CTPS2: variants seen among roughly 807,000 people sequenced by gnomAD.
CTPS2 encodes the protein CTP synthase 2.
A neutral mutation model predicts 46.8 loss-of-function variants in CTPS2; 19 were observed. That is an observed-to-expected ratio of 0.41 (90% confidence interval 0.28 to 0.60). The LOEUF (loss-of-function observed/expected upper bound fraction) is 0.60. CTPS2 is among the 20% of genes least tolerant of loss of function. CTPS2 has a pLI of 0.35. For missense variants in CTPS2, 286 were observed against 447.6 expected, an observed-to-expected ratio of 0.64 and a Z score of 3.26; for synonymous variants, 151 against 165.2, an observed-to-expected ratio of 0.91 and a Z score of 0.66.
intron 7 of CTPS2, among the ~76,000 whole-genome samples, chrX:16,690,284 T>C (rs1420106490): frequency 9.2e-6 from 1 of 109,104 alleles, no homozygotes; most frequent in Non-Finnish European, 1.9e-5. Flanking sequence ...GGCAGGAGAA[T>C]CGCTTGAACC....
intron 13 of CTPS2, among the ~76,000 whole-genome samples, chrX:16,662,271 G>A: frequency 9.0e-6 from 1 of 111,212 alleles, no homozygotes; most frequent in East Asian, 2.8e-4. Flanking sequence ...CAAAGTCCCA[G>A]AGCCTTCAAT....
At chrX:16,693,836 C>A (rs1238651213) in intron 4 of CTPS2, among the ~76,000 whole-genome samples, 1 of 110,416 alleles carries the variant, frequency 9.1e-6, no homozygotes. Context: ...AAGATTTCTC[C>A]ACGTGTATAC....
chrX:16,650,424 A>T (rs940175589), intron 13 of CTPS2, among the ~76,000 whole-genome samples: 14 of 110,762 alleles, frequency 1.3e-4, no homozygotes, highest in African/African-American at 4.6e-4. Flanking sequence ...GAATGTCATT[A>T]ATTACTAATA....
intron 1 of CTPS2, 73 bp from the exon 2 acceptor site, chrX:16,703,014 C>A: frequency 1.6e-6 from 1 of 623,841 alleles, no homozygotes; most frequent in Non-Finnish European, 2.3e-6. Context: ...TGTATTCAAC[C>A]AGAATTAATT....
intron 17 of CTPS2, among the ~76,000 whole-genome samples, chrX:16,593,157 C>T (rs1009590542): frequency 1.2e-4 from 13 of 111,746 alleles, no homozygotes; most frequent in Non-Finnish European, 2.1e-4. Flanking sequence ...CAGCCAGGTG[C>T]GGTGGCTCAC....
At chrX:16,646,125 A>G (rs112500037) in intron 13 of CTPS2, among the ~76,000 whole-genome samples, 1,807 of 112,862 alleles carry the variant, frequency 0.016, 30 homozygotes, top group African/African-American at 0.054. Context: ...ACCTTCTTAT[A>G]CCTCCAGATG....
At chrX:16,651,192 A>T in intron 13 of CTPS2, 7 of 290,887 alleles carry the variant, frequency 2.4e-5, no homozygotes, top group Non-Finnish European at 4.1e-5. Context: ...GTGGGAGGGG[A>T]GGGAGGGAGG....
chrX:16,634,349 C>T (rs769635080), intron 14 of CTPS2, among the ~76,000 whole-genome samples: 78 of 111,775 alleles, frequency 7.0e-4, no homozygotes, highest in Admixed American at 6.8e-3. Context: ...TAACAAATCT[C>T]TCCCTCTTCC....
At chrX:16,653,007 G>C (rs1330689564) in intron 13 of CTPS2, among the ~76,000 whole-genome samples, 1 of 111,224 alleles carries the variant, frequency 9.0e-6, no homozygotes, top group Non-Finnish European at 1.9e-5. Context: ...GAGATGTGCT[G>C]CACAAAATTG....
chrX:16,623,626 G>A (rs1326909587), intron 14 of CTPS2, among the ~76,000 whole-genome samples: 1 of 110,119 alleles, frequency 9.1e-6, no homozygotes, highest in Non-Finnish European at 1.9e-5. Flanking sequence ...ACTCCATTGT[G>A]TATAAGTACA....
intron 11 of CTPS2, among the ~76,000 whole-genome samples, chrX:16,670,154 G>A (rs1602235303): frequency 9.0e-6 from 1 of 111,560 alleles, no homozygotes; most frequent in Non-Finnish European, 1.9e-5. Flanking sequence ...GTGGGAATTG[G>A]AGAAGGTAAG....
rs1555957787 is a variant in CTPS2, at chrX:16,620,387, T to A, written c.1394-55A>T. On this transcript the variant is annotated intron_variant, in intron 14 of 18. Transcript: ENST00000359276. ...TAGAGTAAGCAGCTTCACAAGCACA[T>A]CCATGATGCTTTGTGGAGGCAAGTG... is the stretch of plus-strand genomic sequence containing the variant. The A allele has an allele frequency of 4.2e-5, 39 of 938,679 alleles. 1 individual carries two copies. In the South Asian group the frequency reaches 7.7e-4, roughly 19 times the overall value. 77.4% of individuals were successfully genotyped at this position (938,679 alleles called of 1,213,427 possible).
chrX:16,707,548 C>T (rs979816381), intron 1 of CTPS2, among the ~76,000 whole-genome samples: 1 of 111,672 alleles, frequency 9.0e-6, no homozygotes, highest in Non-Finnish European at 1.9e-5. Flanking sequence ...GTGGCACACA[C>T]CTGTAGTCCC....
chrX:16,608,907 G>T (rs6632850), intron 17 of CTPS2, among the ~76,000 whole-genome samples: 34,324 of 110,313 alleles, frequency 0.31, 4,522 homozygotes, highest in African/African-American at 0.5. Flanking sequence ...ATTGAAACCA[G>T]AAAAATGCTA....
intron 1 of CTPS2, among the ~76,000 whole-genome samples, chrX:16,706,393 G>A (rs1401834132): frequency 9.1e-6 from 1 of 109,547 alleles, no homozygotes; most frequent in South Asian, 3.8e-4. Context: ...ACTGCACTCC[G>A]GTCTGGGCAA....
intron 14 of CTPS2, among the ~76,000 whole-genome samples, chrX:16,623,269 A>G (rs1366747831): frequency 8.9e-6 from 1 of 111,787 alleles, no homozygotes; most frequent in Non-Finnish European, 1.9e-5. Flanking sequence ...AAACAATCCA[A>G]TTACTCTCTC....
intron 9 of CTPS2, among the ~76,000 whole-genome samples, chrX:16,680,702 G>C (rs1922672439): frequency 9.0e-6 from 1 of 110,761 alleles, no homozygotes; most frequent in Admixed American, 9.6e-5. Flanking sequence ...TAATGGGGCG[G>C]GCGACTTGAA....
At chrX:16,625,281 C>A (rs1385642377) in intron 14 of CTPS2, among the ~76,000 whole-genome samples, 3 of 112,428 alleles carry the variant, frequency 2.7e-5, no homozygotes, top group Non-Finnish European at 5.6e-5. Context: ...GTGAAATAAG[C>A]CACTCATAAA....
chrX:16,623,789 A>ATTT (rs1312073770), intron 14 of CTPS2, among the ~76,000 whole-genome samples: 6 of 67,539 alleles, frequency 8.9e-5, no homozygotes, highest in African/African-American at 4.1e-4. Flanking sequence ...CATCCCCTCA[A>ATTT]TTCTTTTTTT....
Sources: gnomAD v4.1 joint callset for allele counts (sites outside exome capture counted in the v4.1 genomes callset) on GRCh38, gnomAD v4.1.1 for gene constraint, MANE v1.5 for transcripts, NCBI Gene and HGNC (gene_info 2026-07-23, HGNC 2026-07-21) for gene names.